The following CDH13 variants were observed in gnomAD, a reference collection of about 807,000 sequenced individuals.
The protein encoded by CDH13 is cadherin-13.
A neutral mutation model predicts 63.8 loss-of-function variants in CDH13; 24 were observed. The observed-to-expected ratio is 0.38, with a 90% CI of 0.27 to 0.53. The LOEUF (loss-of-function observed/expected upper bound fraction) is 0.53, where lower values mean the gene tolerates loss of function less well. Among genes scored for constraint, CDH13 ranks in the 20% least tolerant of loss-of-function variants. The pLI is 0.85. For missense variants in CDH13, 1,049 were observed against 903.1 expected, an observed-to-expected ratio of 1.16 and a Z score of -2.07; for synonymous variants, 503 against 355.3, an observed-to-expected ratio of 1.42 and a Z score of -4.67.
chr16:83,503,449 G>C (rs1051507456), intron 7 of CDH13, among the ~76,000 whole-genome samples: 3 of 152,122 alleles, frequency 2.0e-5, no homozygotes, highest in African/African-American at 7.2e-5. Context: ...CCAGGAGGAG[G>C]GGCAGTGAGA....
chr16:83,458,826 C>G (rs1461245554), intron 6 of CDH13, among the ~76,000 whole-genome samples: 1 of 152,216 alleles, frequency 6.6e-6, no homozygotes, highest in East Asian at 1.9e-4. Context: ...GTCTCTTTCT[C>G]TGACTCAACC....
At position 83,046,628 on chromosome 16, in the gene CDH13, T is replaced by C. The variant is rs554526541; in HGVS notation, c.366+14410T>C. Among the ~76,000 whole-genome samples the C allele has an allele frequency of 2.6e-5, 4 of 152,256 alleles. No homozygotes were observed. In the South Asian group the frequency reaches 8.3e-4, roughly 32 times the overall value. On this transcript the variant is annotated intron_variant, in intron 3 of 13. Coordinates refer to ENST00000567109, the MANE Select transcript of CDH13 (RefSeq NM_001257.5). ...GGAAATAGCCCACTGGGAAGGCCTT[T>C]AACAGAGCAGGTGCTTCCCTAGGGG...
At chr16:82,663,489 C>T (rs1284281942) in intron 1 of CDH13, among the ~76,000 whole-genome samples, 1 of 151,728 alleles carries the variant, frequency 6.6e-6, no homozygotes, top group Non-Finnish European at 1.5e-5. Flanking sequence ...CCAGCCACCG[C>T]CACTCATTTT....
rs186146011 is a variant in CDH13 at position 83,749,589 on chromosome 16, C to A, written c.1681+1339C>A. Among the ~76,000 whole-genome samples, 371 of 152,260 alleles carry A rather than the reference C, an allele frequency of 2.4e-3. 1 individual carries two copies. The highest frequency in any genetic ancestry group is 3.8e-3 in the Non-Finnish European group (259 of 68,018). On this transcript the variant is annotated intron_variant, in intron 11 of 13. Transcript: ENST00000567109. ...TGATTCATTTGATAGAACAGGGAACCAGGAGACCCTGAAACTTCTTGAGGA... is the reference window on the plus strand; with the variant it reads ...TGATTCATTTGATAGAACAGGGAACAAGGAGACCCTGAAACTTCTTGAGGA...
At chr16:83,258,897 C>G (rs139592076) in intron 5 of CDH13, among the ~76,000 whole-genome samples, 2 of 152,332 alleles carry the variant, frequency 1.3e-5, no homozygotes, top group East Asian at 3.9e-4. Flanking sequence ...AGGATTCATT[C>G]CACATCACTG....
At chr16:83,125,232 A>G (rs191637823) in intron 3 of CDH13, among the ~76,000 whole-genome samples, 153 bp from the exon 4 acceptor site, 44 of 152,340 alleles carry the variant, frequency 2.9e-4, no homozygotes, top group Non-Finnish European at 4.3e-4. Context: ...TATTCTAGTA[A>G]TGTACTTGGT....
At chr16:83,412,712 C>G (rs2092145719) in intron 6 of CDH13, among the ~76,000 whole-genome samples, 1 of 152,154 alleles carries the variant, frequency 6.6e-6, no homozygotes. Context: ...TGTTTCTTAC[C>G]CATGGTTCCT....
At chr16:82,727,326 C>G (rs751345909) in intron 1 of CDH13, 10 of 151,860 alleles carry the variant, frequency 6.6e-5, no homozygotes, top group Non-Finnish European at 8.8e-5. Context: ...ATTTTTTTTC[C>G]TCTCTAATGC....
intron 10 of CDH13, among the ~76,000 whole-genome samples, chr16:83,678,984 C>T (rs1013508149): frequency 2.6e-5 from 4 of 152,170 alleles, no homozygotes; most frequent in Admixed American, 2.6e-4. Flanking sequence ...CTTCTAGCTG[C>T]TCAATGCTCA....
intron 8 of CDH13, among the ~76,000 whole-genome samples, chr16:83,633,773 G>A (rs79313964): frequency 6.6e-6 from 1 of 152,062 alleles, no homozygotes; most frequent in African/African-American, 2.4e-5. Context: ...TAGGGTTCTG[G>A]GCCTGTACAG....
chr16:83,243,041 G>A (rs796131163), intron 5 of CDH13, among the ~76,000 whole-genome samples: 6 of 152,288 alleles, frequency 3.9e-5, no homozygotes, highest in African/African-American at 1.4e-4. Context: ...GACAGGTTAA[G>A]TAGCTTACCT....
At chr16:83,237,076 G>A (rs538369339) in intron 5 of CDH13, among the ~76,000 whole-genome samples, 5 of 152,242 alleles carry the variant, frequency 3.3e-5, no homozygotes, top group South Asian at 2.1e-4. Context: ...AGGCAGATTC[G>A]AGGGGATGTT....
At chr16:83,057,265 C>T (rs1567788539) in intron 3 of CDH13, among the ~76,000 whole-genome samples, 1 of 152,178 alleles carries the variant, frequency 6.6e-6, no homozygotes, top group Non-Finnish European at 1.5e-5. Context: ...GCACCCCAGT[C>T]TCAGGTATGT....
At chr16:82,919,353 T>C (rs1261760457) in intron 2 of CDH13, among the ~76,000 whole-genome samples, 1 of 152,154 alleles carries the variant, frequency 6.6e-6, no homozygotes, top group Non-Finnish European at 1.5e-5. Flanking sequence ...TGATCCTCTT[T>C]CTCCTCCCAC....
intron 1 of CDH13, among the ~76,000 whole-genome samples, chr16:82,731,815 A>G (rs1296629213): frequency 6.6e-6 from 1 of 152,244 alleles, no homozygotes; most frequent in Non-Finnish European, 1.5e-5. Context: ...GATATCAGTG[A>G]AATACATAAT....
At chr16:82,940,131 C>T (rs10871439) in intron 2 of CDH13, among the ~76,000 whole-genome samples, 44,431 of 152,050 alleles carry the variant, frequency 0.29, 7,893 homozygotes, top group African/African-American at 0.5. Context: ...GTCCCTCCCA[C>T]AACGTGTGGG....
intron 1 of CDH13, among the ~76,000 whole-genome samples, chr16:82,649,159 T>C (rs894449225): frequency 1.3e-5 from 2 of 152,240 alleles, no homozygotes; most frequent in South Asian, 2.1e-4. Flanking sequence ...CTATATGCTA[T>C]GCTTTTAATA....
intron 9 of CDH13, among the ~76,000 whole-genome samples, chr16:83,673,265 G>A (rs988471190): frequency 1.4e-4 from 21 of 152,058 alleles, no homozygotes; most frequent in South Asian, 8.3e-4. Flanking sequence ...ACATACATTC[G>A]TTCATCGGAC....
At chr16:83,364,642 G>A (rs1567619080) in intron 6 of CDH13, among the ~76,000 whole-genome samples, 1 of 152,154 alleles carries the variant, frequency 6.6e-6, no homozygotes, top group Admixed American at 6.5e-5. Flanking sequence ...GGTTAGTCTA[G>A]GGACCAGTGA....
Sources: allele counts gnomAD v4.1 joint callset (sites outside exome capture counted in the v4.1 genomes callset), GRCh38; gene constraint gnomAD v4.1.1; transcripts MANE v1.5; gene names NCBI Gene and HGNC (gene_info 2026-07-23, HGNC 2026-07-21).